Variants in NPSR1 observed in about 807,000 individuals in gnomAD.
NPSR1 encodes the protein neuropeptide S receptor.
Under a neutral mutation model 46.9 loss-of-function variants are expected in NPSR1, and 48 were observed. That is an observed-to-expected ratio of 1.02 (90% CI 0.81 to 1.30). The LOEUF is 1.30. Among genes scored for constraint, NPSR1 ranks in the 50% most tolerant of loss-of-function variants. The pLI is 0.00. For synonymous variants in NPSR1, 176 were observed against 168.1 expected, an observed-to-expected ratio of 1.05 and a Z score of -0.36; for missense variants, 450 against 449.5, an observed-to-expected ratio of 1.00 and a Z score of -0.01.
intron 8 of NPSR1, among the ~76,000 whole-genome samples, chr7:34,857,033 C>A (rs1016830784): frequency 6.6e-6 from 1 of 151,544 alleles, no homozygotes; most frequent in Non-Finnish European, 1.5e-5. Flanking sequence ...TCGTTATTTA[C>A]AATAGCCTTA....
At chr7:34,734,905 T>C (rs1228982739) in intron 2 of NPSR1, among the ~76,000 whole-genome samples, 1 of 152,206 alleles carries the variant, frequency 6.6e-6, no homozygotes, top group Non-Finnish European at 1.5e-5. Context: ...TTTTCTCTCT[T>C]AGCTTGCCCT....
At chr7:34,701,314 C>CT (rs1211198437) in intron 2 of NPSR1, among the ~76,000 whole-genome samples, 2 of 152,170 alleles carry the variant, frequency 1.3e-5, no homozygotes, top group African/African-American at 4.8e-5. Context: ...CAAAGATACA[C>CT]TTTTATCACA....
chr7:34,832,166 A>G (rs1375726085), intron 5 of NPSR1, among the ~76,000 whole-genome samples: 4 of 152,250 alleles, frequency 2.6e-5, no homozygotes, highest in Non-Finnish European at 5.9e-5. Flanking sequence ...AGGAAGGTAC[A>G]GATTATGGAG....
chr7:34,696,334 AGAGTT>A (rs1793527626), intron 2 of NPSR1, among the ~76,000 whole-genome samples: 1 of 152,100 alleles, frequency 6.6e-6, no homozygotes, highest in Non-Finnish European at 1.5e-5. Flanking sequence ...GAGGTGAATA[AGAGTT>A]GAAAAGTTAC....
At chr7:34,665,177 T>C (rs1791673698) in intron 1 of NPSR1, among the ~76,000 whole-genome samples, 1 of 152,166 alleles carries the variant, frequency 6.6e-6, no homozygotes, top group Admixed American at 6.5e-5. Context: ...GGTTAAGCTC[T>C]CCAACAGTAA....
At position 34,799,472 on chromosome 7, in the gene NPSR1, A is replaced by G. The variant is rs373295024; in HGVS notation, c.385-12298A>G. Among the ~76,000 whole-genome samples the G allele has an allele frequency of 5.9e-4, 90 of 151,922 alleles. 3 individuals are homozygous for G. In the South Asian group the frequency reaches 0.018, roughly 30 times the overall value. ...TTCATATCCAGCCAAACTAAGCATC[A>G]TAAGTGAAGGAGAAATAAAATATTT... On this transcript the variant is annotated intron_variant, in intron 3 of 8. Transcript: ENST00000360581.
At chr7:34,694,498 G>C (rs1793416569) in intron 2 of NPSR1, among the ~76,000 whole-genome samples, 1 of 152,092 alleles carries the variant, frequency 6.6e-6, no homozygotes, top group South Asian at 2.1e-4. Flanking sequence ...ACTACAAAAA[G>C]TGATGAAAGA....
chr7:34,810,493 C>A (rs762661147), intron 3 of NPSR1, among the ~76,000 whole-genome samples: 5 of 152,010 alleles, frequency 3.3e-5, no homozygotes, highest in Non-Finnish European at 7.4e-5. Flanking sequence ...AAGAGGAGAC[C>A]CAGATCCTGA....
intron 8 of NPSR1, among the ~76,000 whole-genome samples, chr7:34,874,588 C>A (rs1250367468): frequency 6.6e-6 from 1 of 152,134 alleles, no homozygotes; most frequent in Non-Finnish European, 1.5e-5. Context: ...CTCAGTTAAA[C>A]CGTGAGACCA....
rs1472179280 is a variant in NPSR1 at position 34,791,001 on chromosome 7, G to T, written c.384+12436G>T. On this transcript the variant is annotated intron_variant, in intron 3 of 8. Coordinates refer to ENST00000360581, the MANE Select transcript of NPSR1 (RefSeq NM_207172.2). ...ATATGTTATATTATATATGTTATAT[G>T]TTATATGTTATATTATATATGTTAT... 5.5e-4 allele frequency among the ~76,000 whole-genome samples: 64 copies of T among 116,534 alleles called. 2 individuals carry two copies. Among genetic ancestry groups the T allele is most frequent in the African/African-American group, 2.3e-3 (63 of 27,028 alleles). 76.5% of individuals were successfully genotyped at this position (116,534 alleles called of 152,430 possible).
At chr7:34,782,548 T>C (rs1038990612) in intron 3 of NPSR1, among the ~76,000 whole-genome samples, 2 of 152,140 alleles carry the variant, frequency 1.3e-5, no homozygotes, top group African/African-American at 4.8e-5. Context: ...CCATCACTGA[T>C]GCTACCCCAC....
At chr7:34,766,507 C>T (rs1435141099) in intron 2 of NPSR1, among the ~76,000 whole-genome samples, 1 of 152,002 alleles carries the variant, frequency 6.6e-6, no homozygotes, top group Non-Finnish European at 1.5e-5. Flanking sequence ...CAATTTAAAA[C>T]TATTCGGCAA....
intron 2 of NPSR1, among the ~76,000 whole-genome samples, chr7:34,770,790 TAGGACAC>T (rs1436176705): frequency 3.9e-5 from 6 of 152,196 alleles, no homozygotes; most frequent in Non-Finnish European, 8.8e-5. Context: ...AGAAATTTAT[TAGGACAC>T]AGTTCTGGAG....
chr7:34,676,713 C>T (rs62464151), intron 1 of NPSR1, among the ~76,000 whole-genome samples: 3,067 of 152,182 alleles, frequency 0.02, 42 homozygotes, highest in African/African-American at 0.041. Context: ...CTGTGTCTGG[C>T]ATAGAGTAGG....
intron 3 of NPSR1, among the ~76,000 whole-genome samples, chr7:34,797,688 CA>C (rs1169795299): frequency 6.6e-6 from 1 of 151,906 alleles, no homozygotes; most frequent in Non-Finnish European, 1.5e-5. Context: ...CAGAGAACAC[CA>C]AAGCAAAATA....
downstream of NPSR1, among the ~76,000 whole-genome samples, chr7:34,853,428 G>A (rs145959177): frequency 1.3e-5 from 2 of 152,298 alleles, no homozygotes; most frequent in East Asian, 1.9e-4. Flanking sequence ...GGAGAAGGCC[G>A]TAACTGTTTA....
intron 2 of NPSR1, among the ~76,000 whole-genome samples, chr7:34,688,498 G>GCTTGAGCACACAAAGAACTCC (rs1793054944): frequency 6.6e-6 from 1 of 152,212 alleles, no homozygotes; most frequent in African/African-American, 2.4e-5. Context: ...TAACAGTGGA[G>GCTTGAGCACACAAAGAACTCC]CTTGAGCACA....
intron 2 of NPSR1, among the ~76,000 whole-genome samples, chr7:34,748,061 A>G (rs1443623305): frequency 6.6e-6 from 1 of 152,208 alleles, no homozygotes; most frequent in Non-Finnish European, 1.5e-5. Context: ...GCCAGCTCAC[A>G]GCAAAAGGGC....
chr7:34,697,426 A>G (rs1438169693), intron 2 of NPSR1, among the ~76,000 whole-genome samples: 7 of 151,628 alleles, frequency 4.6e-5, no homozygotes, highest in African/African-American at 1.7e-4. Context: ...ATATGCAAAT[A>G]TATATGTTTA....
Sources: gnomAD v4.1 joint callset for allele counts (sites outside exome capture counted in the v4.1 genomes callset) on GRCh38, gnomAD v4.1.1 for gene constraint, MANE v1.5 for transcripts, NCBI Gene and HGNC (gene_info 2026-07-23, HGNC 2026-07-21) for gene names.